Variants in EPRS1 observed in about 807,000 individuals in gnomAD.
The protein encoded by EPRS1 is bifunctional glutamate/proline--tRNA ligase.
Under a neutral mutation model 188.3 loss-of-function variants are expected in EPRS1, and 107 were observed. The ratio of observed to expected loss-of-function variants is 0.57; its 90% CI spans 0.49 to 0.67. The LOEUF (loss-of-function observed/expected upper bound fraction) is 0.67, where lower values mean the gene tolerates loss of function less well. Ranked by LOEUF, EPRS1 falls within the 30% of genes least tolerant of loss-of-function variation. The probability of loss-of-function intolerance (pLI) is 0.00; values close to 1 mark genes in which losing one functional copy is unlikely to be tolerated. For missense variants in EPRS1, 1,577 were observed against 1,802.2 expected (o/e 0.88, Z 2.26); for synonymous variants, 596 against 593.1 (o/e 1.00, Z -0.07).
chr1:219,968,731 T>G lies in EPRS1; in HGVS notation c.*75A>C. The G allele has an allele frequency of 7.2e-7, 1 of 1,384,268 alleles. No individual in the cohort carries two copies. Among genetic ancestry groups the G allele is most frequent in the Middle Eastern group, 1.8e-4 (1 of 5,454 alleles). The allele number at this position is 1,384,268 out of a possible 1,614,324, so 85.7% of individuals were successfully genotyped here. A position where few individuals can be genotyped will look rare whatever the true frequency, so the allele number is the denominator to read the frequency against. Reference sequence around the variant, plus strand: ...TACTTTTTAAAAAATCATAAAACGGTCTGTATCTGAGAAGATACTAATATC... The same window carrying G: ...TACTTTTTAAAAAATCATAAAACGGGCTGTATCTGAGAAGATACTAATATC... On this transcript the variant is annotated 3_prime_UTR_variant, in exon 32 of 32. Transcript: ENST00000366923.
intron 17 of EPRS1, among the ~76,000 whole-genome samples, chr1:220,000,125 G>A (rs1055274444): frequency 5.9e-5 from 9 of 151,936 alleles, no homozygotes; most frequent in Non-Finnish European, 7.4e-5. Flanking sequence ...TGTTATTTTC[G>A]GTATGTGATT....
chr1:220,024,145 CCTT>C (rs1466944456), intron 8 of EPRS1, 116 bp downstream of exon 8: 1 of 702,652 alleles, frequency 1.4e-6, no homozygotes, highest in Non-Finnish European at 2.3e-6. Context: ...GAGCGAGACT[CCTT>C]CTCAAAACAA....
intron 9 of EPRS1, among the ~76,000 whole-genome samples, chr1:220,021,415 T>C (rs1041376832): frequency 2.6e-5 from 4 of 151,958 alleles, no homozygotes; most frequent in African/African-American, 4.8e-5. Context: ...CCCACGCTGG[T>C]TTCAAACTCC....
At position 219,991,163 on chromosome 1, in the gene EPRS1, C is replaced by A. The variant is rs74139270; in HGVS notation, c.2542-2340G>T. Among the ~76,000 whole-genome samples the A allele has an allele frequency of 4.3e-3, 620 of 145,298 alleles. 5 individuals are homozygous for A. The highest frequency in any genetic ancestry group is 0.015 in the African/African-American group (605 of 39,356). ...TCTGATTACATTCAGAATGAGTACT[C>A]AAACAGCTATTTTTTCAGCAGCCAC... is the stretch of plus-strand genomic sequence containing the variant. On this transcript the variant is annotated intron_variant, in intron 18 of 31. Transcript: ENST00000366923.
rs1426259398 is a variant in EPRS1, at chr1:219,997,067, A to G, written c.2457T>C (p.Ser819=). Residue 819 remains serine (S), a synonymous_variant, in exon 18 of 32, where the codon AGT becomes AGC. Transcript: ENST00000366923. ...GQNISSNSSA[S]ILESKSLYDE... ...CATACAGAGATTTACTTTCCAGAAT[A>G]CTTGCTGAGGAATTAGAAGAAATAT... The G allele has an allele frequency of 6.2e-7, 1 of 1,613,956 alleles. No homozygotes were observed. The highest frequency in any genetic ancestry group is 1.7e-5 in the Admixed American group (1 of 60,014).
intron 6 of EPRS1, among the ~76,000 whole-genome samples, chr1:220,028,142 C>T (rs143816419): frequency 0.018 from 2,667 of 152,022 alleles, 80 homozygotes; most frequent in African/African-American, 0.061. Flanking sequence ...AAATGAAGGG[C>T]CATAAGTTCC....
At chr1:220,018,581 G>T in intron 11 of EPRS1, 73 bp from the exon 12 acceptor site, 2 of 779,142 alleles carry the variant, frequency 2.6e-6, no homozygotes. Context: ...TTCATGCTAA[G>T]CATGTTTAGA....
chr1:219,978,621 A>G lies in EPRS1; in HGVS notation c.4008T>C (p.Ser1336=), dbSNP rs140361692. Residue 1336 remains serine, a synonymous_variant, in exon 28 of 32, where the codon AGT becomes AGC. Coordinates refer to ENST00000366923, the MANE Select transcript of EPRS1 (RefSeq NM_004446.3). ...AATCAGCTCTAACGCGGATGTTAAC[A>G]CTGAGTAATCGCCTTCGATAATCAT... ...KCNDYRRRLL[S]VNIRVRADLR... is the part of the protein sequence containing the mutation. 4.1e-4 allele frequency: 662 copies of G among 1,612,636 alleles called. 2 individuals carry two copies. In the South Asian group the frequency reaches 4.8e-3, roughly 12 times the overall value.
In EPRS1 at chr1:220,022,592, A is replaced by T. The variant is rs1219731646; in HGVS notation, c.944-74T>A. 9.0e-6 allele frequency: 11 copies of T among 1,227,346 alleles called. No homozygotes were observed. In the East Asian group the frequency reaches 2.7e-4, roughly 30 times the overall value. 76.0% of individuals were successfully genotyped at this position (1,227,346 alleles called of 1,614,324 possible). A position where few individuals can be genotyped will look rare whatever the true frequency, so the allele number is the denominator to read the frequency against. ...ATTATTCTCATAGTGCTATAATTTG[A>T]TATAAATTTTCATGTTCTTGTTTTA... On this transcript the variant is annotated intron_variant, in intron 8 of 31. Transcript: ENST00000366923.
intron 9 of EPRS1, among the ~76,000 whole-genome samples, chr1:220,020,815 A>T (rs1661858529): frequency 7.9e-6 from 1 of 126,244 alleles, no homozygotes; most frequent in Admixed American, 8.4e-5. Flanking sequence ...ATGCAGTATC[A>T]ATTTGAATTT....
intron 13 of EPRS1, 91 bp downstream of exon 13, chr1:220,010,855 C>A: frequency 2.9e-6 from 2 of 700,160 alleles, no homozygotes; most frequent in Non-Finnish European, 5.0e-6. Context: ...ATCTCAAAAT[C>A]ATGCCACTGC....
At chr1:219,980,430 A>G (rs1161221232) in intron 25 of EPRS1, among the ~76,000 whole-genome samples, 190 bp from the exon 26 acceptor site, 1 of 152,238 alleles carries the variant, frequency 6.6e-6, no homozygotes, top group Non-Finnish European at 1.5e-5. Context: ...CAATGTAAAA[A>G]GAAGTCAAAT....
intron 14 of EPRS1, 124 bp from the exon 15 acceptor site, chr1:220,006,437 G>A (rs1661489922): frequency 6.7e-6 from 2 of 299,178 alleles, no homozygotes; most frequent in Admixed American, 1.0e-4. Flanking sequence ...GTAATAAATG[G>A]ATAAGAAATT....
intron 23 of EPRS1, among the ~76,000 whole-genome samples, chr1:219,982,276 ACTTTT>A (rs2102564573): frequency 6.6e-6 from 1 of 152,256 alleles, no homozygotes; most frequent in South Asian, 2.1e-4. Context: ...TCTTTCAGAG[ACTTTT>A]CTTTACCTGC....
intron 16 of EPRS1, among the ~76,000 whole-genome samples, chr1:220,003,851 A>T (rs895016249): frequency 6.6e-6 from 1 of 152,214 alleles, no homozygotes; most frequent in Non-Finnish European, 1.5e-5. Flanking sequence ...AAAAGCCACA[A>T]GGCCATTCCA....
intron 12 of EPRS1, chr1:220,018,180 AT>A (rs1166722271): frequency 1.4e-6 from 2 of 1,411,354 alleles, no homozygotes; most frequent in East Asian, 3.4e-5. Flanking sequence ...CAGAGTGTTC[AT>A]AAAAAATTTA....
At chr1:220,000,047 C>T (rs1461314907) in intron 17 of EPRS1, among the ~76,000 whole-genome samples, 1 of 152,146 alleles carries the variant, frequency 6.6e-6, no homozygotes, top group Non-Finnish European at 1.5e-5. Flanking sequence ...CACCATCTGA[C>T]TGAAACCACA....
rs199712671 is a variant in EPRS1, at chr1:219,980,763, G to A, written c.3548C>T (p.Ala1183Val). The A allele has an allele frequency of 1.7e-5, 27 of 1,605,448 alleles. No homozygotes were observed. Among genetic ancestry groups the A allele is most frequent in the Middle Eastern group, 1.6e-4 (1 of 6,062 alleles). ...GAAAATAACTTTTTATACCTCTTCC[G>A]CTGCCTCTTCCATGGTAGCAAAAGC... ...HSAFATMEEA[A>V]EEVLQILDLY... The change falls in exon 25 of 32, where the codon GCG becomes GTG. Residue 1183 changes from alanine to valine, a missense_variant. This residue lies in a region of EPRS1 where 1,278 missense variants were observed against 1,457.4 expected (regional missense o/e 0.88). Coordinates refer to ENST00000366923, the MANE Select transcript of EPRS1 (RefSeq NM_004446.3).
chr1:219,970,648 G>A (rs1200164837), intron 30 of EPRS1, among the ~76,000 whole-genome samples: 2 of 151,884 alleles, frequency 1.3e-5, no homozygotes, highest in Non-Finnish European at 2.9e-5. Context: ...TGTCATGGCA[G>A]GCGCCTGTAA....
Sources: allele counts gnomAD v4.1 joint callset (sites outside exome capture counted in the v4.1 genomes callset), GRCh38; gene constraint gnomAD v4.1.1; regional missense constraint gnomAD v4.1.1; transcripts MANE v1.5; gene names NCBI Gene and HGNC (gene_info 2026-07-23, HGNC 2026-07-21).